MEIOB: variants seen among roughly 807,000 people sequenced by gnomAD.
MEIOB encodes the protein meiosis specific with OB-fold, also known as meiosis-specific with OB domain-containing protein.
MEIOB carries 50 observed loss-of-function variants against 53.1 expected under a neutral mutation model. The observed-to-expected ratio is 0.94, with a 90% CI of 0.75 to 1.19. The LOEUF is 1.19. Ranked by LOEUF, MEIOB falls within the 50% of genes most tolerant of loss-of-function variation. The probability of loss-of-function intolerance (pLI) is 0.00; values close to 1 mark genes in which losing one functional copy is unlikely to be tolerated. For synonymous variants in MEIOB, 192 were observed against 182.5 expected, an observed-to-expected ratio of 1.05 and a Z score of -0.42; for missense variants, 551 against 550.8, an observed-to-expected ratio of 1.00 and a Z score of 0.00.
intron 6 of MEIOB, among the ~76,000 whole-genome samples, chr16:1,855,931 CTTTT>C (rs34688365): frequency 3.0e-5 from 4 of 131,264 alleles, no homozygotes; most frequent in African/African-American, 1.1e-4. Flanking sequence ...GTGTTTTTTC[CTTTT>C]TTTTTTTTTT....
intron 10 of MEIOB, among the ~76,000 whole-genome samples, chr16:1,844,185 T>G (rs1462875108): frequency 6.6e-6 from 1 of 150,448 alleles, no homozygotes; most frequent in Non-Finnish European, 1.5e-5. Flanking sequence ...TACAGTGGTG[T>G]GATCTTGGCT....
At chr16:1,859,321 C>T (rs1361512768) in intron 5 of MEIOB, among the ~76,000 whole-genome samples, 2 of 152,092 alleles carry the variant, frequency 1.3e-5, no homozygotes, top group Non-Finnish European at 2.9e-5. Context: ...GCGGGCGGAT[C>T]ACTTGAGGTC....
chr16:1,839,129 T>C, intron 12 of MEIOB, 126 bp downstream of exon 12: 1 of 1,154,138 alleles, frequency 8.7e-7, no homozygotes, highest in Non-Finnish European at 1.2e-6. Context: ...GCAAGATGAT[T>C]TTTTCCCAGG....
intron 4 of MEIOB, among the ~76,000 whole-genome samples, chr16:1,861,402 C>G (rs1899437683): frequency 6.6e-6 from 1 of 151,992 alleles, no homozygotes; most frequent in Non-Finnish European, 1.5e-5. Context: ...GAAAGATAAC[C>G]AATTATAACA....
Position 1,852,994 on chromosome 16 carries a change from T to C in MEIOB, c.778+45A>G, listed in dbSNP as rs374117456. The C allele has an allele frequency of 6.1e-5, 69 of 1,122,870 alleles. 2 individuals carry two copies. In the Middle Eastern group the frequency reaches 7.9e-4, roughly 13 times the overall value. The allele number at this position is 1,122,870 out of a possible 1,614,324, so 69.6% of individuals were successfully genotyped here. A position where few individuals can be genotyped will look rare whatever the true frequency, so the allele number is the denominator to read the frequency against. ...TATACTGTATAAATATTGAAATGTGTTCAGTCATTTCCAAAGGGATAAAAG... is the reference window on the plus strand; with the variant it reads ...TATACTGTATAAATATTGAAATGTGCTCAGTCATTTCCAAAGGGATAAAAG... On this transcript the variant is annotated intron_variant, in intron 9 of 13. Transcript: ENST00000325962.
At chr16:1,847,056 C>T (rs1567275208) in intron 9 of MEIOB, among the ~76,000 whole-genome samples, 1 of 151,216 alleles carries the variant, frequency 6.6e-6, no homozygotes, top group Non-Finnish European at 1.5e-5. Flanking sequence ...TCAGGAGGCT[C>T]AGGCAGGGGA....
intron 1 of MEIOB, among the ~76,000 whole-genome samples, chr16:1,870,262 C>A (rs1373503641): frequency 6.6e-6 from 1 of 152,188 alleles, no homozygotes; most frequent in Non-Finnish European, 1.5e-5. Context: ...GTATGTATTT[C>A]ATAACTGAAA....
rs1898922465 is a variant in MEIOB, at chr16:1,841,949, G to A, written c.905C>T (p.Thr302Ile). ...INLSTIVDVY[T>I]VEQLKGKALK... ...AGCTTTTCCCTTTAATTGTTCAACTGTGTAGACATCAACTATTGTACTTAC... is the reference window on the plus strand; with the variant it reads ...AGCTTTTCCCTTTAATTGTTCAACTATGTAGACATCAACTATTGTACTTAC... Residue 302 changes from threonine (T) to isoleucine (I), a missense_variant, in exon 11 of 14, where the codon ACA (threonine) becomes ATA (isoleucine). Coordinates refer to ENST00000325962, the MANE Select transcript of MEIOB (RefSeq NM_001163560.3). The A allele has an allele frequency of 1.2e-6, 2 of 1,600,706 alleles. No homozygotes were observed. Among genetic ancestry groups the A allele is most frequent in the East Asian group, 4.5e-5 (2 of 44,534 alleles).
intron 10 of MEIOB, among the ~76,000 whole-genome samples, chr16:1,844,122 C>CTTTTTTTT: frequency 7.7e-6 from 1 of 129,434 alleles, no homozygotes. Context: ...TATTATGTTT[C>CTTTTTTTT]TTTTTTTTTT....
chr16:1,854,228 T>C, intron 6 of MEIOB, 28 bp from the exon 7 acceptor site: 1 of 1,317,492 alleles, frequency 7.6e-7, no homozygotes. Flanking sequence ...ATCATTACTC[T>C]TCACCTATAT....
At chr16:1,841,018 T>TTC (rs1898893958) in intron 11 of MEIOB, 2 of 143,924 alleles carry the variant, frequency 1.4e-5, no homozygotes, top group African/African-American at 5.2e-5. Flanking sequence ...CTTTCTTTTT[T>TTC]TTTTTTTTTT....
intron 9 of MEIOB, 102 bp from the exon 10 acceptor site, chr16:1,845,065 T>C (rs1898997961): frequency 1.7e-6 from 1 of 602,298 alleles, no homozygotes; most frequent in Non-Finnish European, 3.0e-6. Context: ...TGAAGACATG[T>C]AAGAATACAA....
At chr16:1,841,091 A>C (rs1309206871) in intron 11 of MEIOB, 1 of 136,140 alleles carries the variant, frequency 7.3e-6, no homozygotes, top group Non-Finnish European at 1.5e-5. Flanking sequence ...ATCTCGGCTC[A>C]CCGCGACCTC....
chr16:1,857,983 A>G, intron 5 of MEIOB, 53 bp from the exon 6 acceptor site: 1 of 1,192,892 alleles, frequency 8.4e-7, no homozygotes, highest in South Asian at 1.5e-5. Flanking sequence ...TGGAAAGAAA[A>G]ATATTTCCAG....
intron 12 of MEIOB, 40 bp downstream of exon 12, chr16:1,839,215 T>G (rs1319622352): frequency 6.6e-7 from 1 of 1,513,222 alleles, no homozygotes; most frequent in Non-Finnish European, 8.9e-7. Context: ...AGCATTCACT[T>G]TGGAAATATT....
chr16:1,865,663 CA>C, intron 3 of MEIOB, 114 bp downstream of exon 3: 1 of 696,984 alleles, frequency 1.4e-6, no homozygotes, highest in Non-Finnish European at 2.4e-6. Flanking sequence ...AGAGCATGAC[CA>C]TTGCTCTTAA....
chr16:1,861,981 T>C lies in MEIOB; in HGVS notation c.259+4A>G. 1 of 1,549,362 alleles carries C rather than the reference T, an allele frequency of 6.5e-7. No homozygotes were observed. The highest frequency in any genetic ancestry group is 1.2e-5 in the South Asian group (1 of 83,462). On this transcript the variant is annotated splice_donor_region_variant and intron_variant, in intron 4 of 13. Coordinates refer to ENST00000325962, the MANE Select transcript of MEIOB (RefSeq NM_001163560.3). Reference sequence around the variant, plus strand: ...AAAAAGTTTAAGAATCAATGCCAACTTACCACAGTCACCAACCCTAAAGCT... The same window carrying C: ...AAAAAGTTTAAGAATCAATGCCAACCTACCACAGTCACCAACCCTAAAGCT...
At chr16:1,851,320 A>C (rs574099486) in intron 9 of MEIOB, among the ~76,000 whole-genome samples, 2 of 152,166 alleles carry the variant, frequency 1.3e-5, no homozygotes, top group East Asian at 1.9e-4. Context: ...TAGCCTCCTC[A>C]TCAAGTCTTT....
At chr16:1,849,686 A>G (rs1899113985) in intron 9 of MEIOB, among the ~76,000 whole-genome samples, 1 of 152,196 alleles carries the variant, frequency 6.6e-6, no homozygotes, top group South Asian at 2.1e-4. Context: ...TAAAGCTGAT[A>G]TAAACAAGCA....
Sources: gnomAD v4.1 joint callset for allele counts (sites outside exome capture counted in the v4.1 genomes callset) on GRCh38, gnomAD v4.1.1 for gene constraint, MANE v1.5 for transcripts, NCBI Gene and HGNC (gene_info 2026-07-23, HGNC 2026-07-21) for gene names.